Variants in PACRG observed in about 807,000 individuals in gnomAD.
The protein encoded by PACRG is parkin coregulated.
PACRG carries 29 observed loss-of-function variants against 29.7 expected under a neutral mutation model. That is an observed-to-expected ratio of 0.98 (90% CI 0.73 to 1.33). The LOEUF is 1.33. Ranked by LOEUF, PACRG falls within the 40% of genes most tolerant of loss-of-function variation. PACRG has a pLI of 0.00. For missense variants in PACRG, 279 were observed against 316.2 expected (o/e 0.88, Z 0.89); for synonymous variants, 116 against 118.7 (o/e 0.98, Z 0.15).
chr6:162,813,836 C>A (rs1787091222), intron 1 of PACRG, among the ~76,000 whole-genome samples: 1 of 152,098 alleles, frequency 6.6e-6, no homozygotes, highest in African/African-American at 2.4e-5. Context: ...TAAGACACCT[C>A]TATTAAAATG....
chr6:162,996,929 A>G (rs940870284), intron 2 of PACRG, among the ~76,000 whole-genome samples: 54 of 152,296 alleles, frequency 3.5e-4, no homozygotes, highest in African/African-American at 1.1e-3. Flanking sequence ...GGCATAAGTC[A>G]TGGGTAGTCA....
chr6:163,235,283 A>G (rs1782191784), intron 4 of PACRG, among the ~76,000 whole-genome samples: 1 of 152,196 alleles, frequency 6.6e-6, no homozygotes, highest in South Asian at 2.1e-4. Context: ...ATAATCCTGA[A>G]GCATATACAG....
chr6:163,241,240 T>A (rs1264046497), intron 4 of PACRG, among the ~76,000 whole-genome samples: 2 of 152,212 alleles, frequency 1.3e-5, no homozygotes, highest in Non-Finnish European at 2.9e-5. Flanking sequence ...TATGATATGC[T>A]GTCATTGGGG....
chr6:162,864,080 A>G (rs144568471), intron 2 of PACRG, among the ~76,000 whole-genome samples: 90 of 152,228 alleles, frequency 5.9e-4, no homozygotes, highest in African/African-American at 1.9e-3. Flanking sequence ...TTGAGTCCCA[A>G]TGACAATCTA....
intron 2 of PACRG, among the ~76,000 whole-genome samples, chr6:162,944,776 CAAAAA>C (rs561880326): frequency 6.1e-4 from 90 of 148,296 alleles, no homozygotes; most frequent in African/African-American, 1.6e-3. Context: ...CCCAGTCAGA[CAAAAA>C]AAAGGAAAAA....
chr6:163,016,216 C>G (rs997829600), intron 2 of PACRG: 1 of 152,152 alleles, frequency 6.6e-6, no homozygotes, highest in Non-Finnish European at 1.5e-5. Context: ...CTTGTATTGC[C>G]TGTTTCAAAT....
At chr6:163,097,763 G>A (rs181618581) in intron 4 of PACRG, among the ~76,000 whole-genome samples, 1 of 152,296 alleles carries the variant, frequency 6.6e-6, no homozygotes, top group East Asian at 1.9e-4. Context: ...ACAGAAAAGA[G>A]TGTCAGGGTC....
intron 2 of PACRG, among the ~76,000 whole-genome samples, chr6:163,061,552 T>C (rs912725334): frequency 1.3e-5 from 2 of 152,134 alleles, no homozygotes; most frequent in Non-Finnish European, 2.9e-5. Flanking sequence ...GTGTCAGTGG[T>C]CCCAGGTTCA....
chr6:163,062,325 AGT>A lies in PACRG; in HGVS notation c.463+6_463+7del. ...CAGCTCATTATCCCGATAAAAAGTA[AGT>A]GAACCGGTGAAAAAGCATCACTCAG... On this transcript the variant is annotated splice_donor_5th_base_variant and intron_variant, in intron 3 of 4. Coordinates refer to ENST00000366888, the MANE Select transcript of PACRG (RefSeq NM_001080379.2). 6.2e-7 allele frequency: 1 copy of A among 1,606,478 alleles called. No individual in the cohort carries two copies. Among genetic ancestry groups the A allele is most frequent in the Non-Finnish European group, 8.5e-7 (1 of 1,177,282 alleles).
chr6:162,875,974 A>C (rs2128002723), intron 2 of PACRG, among the ~76,000 whole-genome samples: 1 of 152,292 alleles, frequency 6.6e-6, no homozygotes, highest in South Asian at 2.1e-4. Context: ...AGAGATGAGA[A>C]GGAAAATGTT....
Position 163,200,656 on chromosome 6 carries a change from G to A in PACRG, c.613+111248G>A, listed in dbSNP as rs145593768. Among the ~76,000 whole-genome samples the A allele has an allele frequency of 2.1e-3, 319 of 152,148 alleles. 3 individuals carry two copies. Among genetic ancestry groups the A allele is most frequent in the African/African-American group, 7.4e-3 (309 of 41,492 alleles). On this transcript the variant is annotated intron_variant, in intron 4 of 4. Coordinates refer to ENST00000366888, the MANE Select transcript of PACRG (RefSeq NM_001080379.2). ...GAAGGTCAAATTTTAACCTTTTAAC[G>A]TTGGAAGTGAAGACACCTGATATGA...
chr6:162,982,182 C>T (rs1802493647), intron 2 of PACRG, among the ~76,000 whole-genome samples: 1 of 151,714 alleles, frequency 6.6e-6, no homozygotes, highest in South Asian at 2.1e-4. Context: ...GATCTTCTGT[C>T]TTCTTTTCTT....
At chr6:163,294,149 G>T (rs927061297) in intron 4 of PACRG, among the ~76,000 whole-genome samples, 2 of 152,074 alleles carry the variant, frequency 1.3e-5, no homozygotes, top group African/African-American at 2.4e-5. Context: ...TGAGGAAATT[G>T]TACTTCTTTG....
intron 4 of PACRG, among the ~76,000 whole-genome samples, chr6:163,298,956 C>T (rs1264057367): frequency 2.0e-5 from 3 of 152,152 alleles, no homozygotes; most frequent in African/African-American, 4.8e-5. Context: ...TAGTGGCCCC[C>T]CAAGTCCATC....
At chr6:162,791,076 G>A (rs2128326295) in intron 1 of PACRG, among the ~76,000 whole-genome samples, 1 of 152,284 alleles carries the variant, frequency 6.6e-6, no homozygotes, top group Non-Finnish European at 1.5e-5. Flanking sequence ...CTGTAGTTAG[G>A]TAGAATTAGG....
At chr6:162,764,754 T>A (rs1233537952) in intron 1 of PACRG, among the ~76,000 whole-genome samples, 6 of 151,604 alleles carry the variant, frequency 4.0e-5, no homozygotes, top group Admixed American at 3.9e-4. Flanking sequence ...AAACTTTTTT[T>A]TTTTTTTGAG....
intron 2 of PACRG, among the ~76,000 whole-genome samples, chr6:162,936,008 G>T (rs971615463): frequency 6.6e-6 from 1 of 152,178 alleles, no homozygotes; most frequent in Non-Finnish European, 1.5e-5. Context: ...ATTTACAAAA[G>T]AAAGAGGTTT....
At chr6:162,778,007 G>A (rs1277422208) in intron 1 of PACRG, among the ~76,000 whole-genome samples, 4 of 152,054 alleles carry the variant, frequency 2.6e-5, no homozygotes, top group African/African-American at 4.8e-5. Context: ...TGAGCTAACC[G>A]ACACTATTCA....
At chr6:162,932,431 A>AT (rs372067698) in intron 2 of PACRG, among the ~76,000 whole-genome samples, 12 of 151,360 alleles carry the variant, frequency 7.9e-5, no homozygotes, top group Admixed American at 4.0e-4. Context: ...AAAACACACA[A>AT]TTTTTTTTTG....
Sources: allele counts gnomAD v4.1 joint callset (sites outside exome capture counted in the v4.1 genomes callset), GRCh38; gene constraint gnomAD v4.1.1; transcripts MANE v1.5; gene names NCBI Gene and HGNC (gene_info 2026-07-23, HGNC 2026-07-21).